Variants in MYO1B observed in about 807,000 individuals in gnomAD.
The protein encoded by MYO1B is unconventional myosin-Ib.
In MYO1B, 72 loss-of-function variants were observed where a neutral mutation model predicts 159.7. The ratio of observed to expected loss-of-function variants is 0.45; its 90% CI spans 0.37 to 0.55. The LOEUF (loss-of-function observed/expected upper bound fraction) is 0.55. Among genes scored for constraint, MYO1B ranks in the 20% least tolerant of loss-of-function variants. The pLI is 0.00. For synonymous variants in MYO1B, 468 were observed against 473.8 expected (o/e 0.99, Z 0.16); for missense variants, 1,062 against 1,364.8 (o/e 0.78, Z 3.50).
chr2:191,334,773 G>T (rs1691720186), intron 4 of MYO1B, among the ~76,000 whole-genome samples: 1 of 152,130 alleles, frequency 6.6e-6, no homozygotes, highest in African/African-American at 2.4e-5. Context: ...AGACGCTAGA[G>T]CATTGCTTCT....
intron 3 of MYO1B, among the ~76,000 whole-genome samples, chr2:191,328,339 C>G (rs1691239019): frequency 6.6e-6 from 1 of 152,208 alleles, no homozygotes; most frequent in African/African-American, 2.4e-5. Flanking sequence ...TACACTCTTC[C>G]TGTATCCCAG....
At chr2:191,401,247 G>T (rs146914306) in intron 23 of MYO1B, among the ~76,000 whole-genome samples, 12 of 152,070 alleles carry the variant, frequency 7.9e-5, no homozygotes, top group Non-Finnish European at 1.5e-4. Context: ...CAATGGAAAT[G>T]CCTCTAACAT....
At chr2:191,249,184 T>C (rs1390219747) in intron 1 of MYO1B, among the ~76,000 whole-genome samples, 2 of 152,240 alleles carry the variant, frequency 1.3e-5, no homozygotes, top group Non-Finnish European at 2.9e-5. Flanking sequence ...CATTGCACTT[T>C]GCTTCTTAAC....
intron 4 of MYO1B, among the ~76,000 whole-genome samples, chr2:191,334,882 T>A (rs1691726751): frequency 6.6e-6 from 1 of 152,240 alleles, no homozygotes; most frequent in African/African-American, 2.4e-5. Flanking sequence ...TAATTTTTTC[T>A]TTTAGTTTCA....
At chr2:191,289,927 G>A (rs1688599224) in intron 2 of MYO1B, among the ~76,000 whole-genome samples, 1 of 152,124 alleles carries the variant, frequency 6.6e-6, no homozygotes, top group Admixed American at 6.5e-5. Context: ...GTGTATGTGT[G>A]CTAATGTTTC....
At chr2:191,260,403 G>A (rs1310926571) in intron 1 of MYO1B, among the ~76,000 whole-genome samples, 1 of 151,880 alleles carries the variant, frequency 6.6e-6, no homozygotes, top group Non-Finnish European at 1.5e-5. Context: ...GGCTTCTGGT[G>A]TGTATATGTT....
At chr2:191,306,465 G>C (rs1348516815) in intron 3 of MYO1B, among the ~76,000 whole-genome samples, 1 of 152,136 alleles carries the variant, frequency 6.6e-6, no homozygotes, top group Non-Finnish European at 1.5e-5. Context: ...TTGTGCTAAG[G>C]ATTTTTAAGC....
chr2:191,297,517 C>T (rs562683737), intron 3 of MYO1B, among the ~76,000 whole-genome samples: 7 of 152,114 alleles, frequency 4.6e-5, no homozygotes, highest in Non-Finnish European at 1.0e-4. Context: ...ATTACTTTTT[C>T]GCAGTAGCAT....
At chr2:191,322,605 T>C (rs1690798820) in intron 3 of MYO1B, among the ~76,000 whole-genome samples, 2 of 152,198 alleles carry the variant, frequency 1.3e-5, no homozygotes, top group African/African-American at 4.8e-5. Context: ...TCCCTAAGCT[T>C]CTTTGTCACA....
At chr2:191,415,116 A>T (rs1462773761) in intron 29 of MYO1B, among the ~76,000 whole-genome samples, 1 of 152,196 alleles carries the variant, frequency 6.6e-6, no homozygotes, top group Non-Finnish European at 1.5e-5. Flanking sequence ...TAGGTTCTGG[A>T]GTTGGTCTCA....
Position 191,357,305 on chromosome 2 carries a change from T to C in MYO1B, c.563-3326T>C, listed in dbSNP as rs1693358613. On this transcript the variant is annotated intron_variant, in intron 7 of 30. Coordinates refer to ENST00000392318, the MANE Select transcript of MYO1B (RefSeq NM_001130158.3). ...GCACTTATACGTGTTGTGGACTAGCTGTTAATGAGTCGAGCTAGGAAAGCC... is the reference window on the plus strand; with the variant it reads ...GCACTTATACGTGTTGTGGACTAGCCGTTAATGAGTCGAGCTAGGAAAGCC... 3.3e-5 allele frequency among the ~76,000 whole-genome samples: 5 copies of C among 152,216 alleles called. No homozygotes were observed. In the South Asian group the frequency reaches 1.0e-3, roughly 31 times the overall value.
rs926241404 is a variant in MYO1B at position 191,420,737 on chromosome 2, A to G, written c.3288-3100A>G. Reference sequence around the variant, plus strand: ...AAACATTTTAAATATATGTGTGTGTATATACATATAGGTATACACGTGTGT... The same window carrying G: ...AAACATTTTAAATATATGTGTGTGTGTATACATATAGGTATACACGTGTGT... On this transcript the variant is annotated intron_variant, in intron 30 of 30. Coordinates refer to ENST00000392318, the MANE Select transcript of MYO1B (RefSeq NM_001130158.3). Among the ~76,000 whole-genome samples the G allele has an allele frequency of 2.0e-5, 3 of 152,260 alleles. No individual in the cohort carries two copies. In the South Asian group the frequency reaches 6.2e-4, roughly 31 times the overall value.
intron 2 of MYO1B, among the ~76,000 whole-genome samples, chr2:191,280,835 C>T (rs1263581333): frequency 6.6e-6 from 1 of 152,142 alleles, no homozygotes; most frequent in African/African-American, 2.4e-5. Context: ...AATGAAGTGG[C>T]TTTTTTGATG....
At position 191,394,732 on chromosome 2, in the gene MYO1B, A is replaced by T. The variant is rs116458928; in HGVS notation, c.2226+1510A>T. 5.8e-3 allele frequency among the ~76,000 whole-genome samples: 889 copies of T among 152,316 alleles called. 14 individuals are homozygous for T. Among genetic ancestry groups the T allele is most frequent in the African/African-American group, 0.02 (841 of 41,564 alleles). ...TCGGAAGGATGAGAAAGAACAGGCA[A>T]TGCAAAGGAAGCTCAAGTACTATTT... On this transcript the variant is annotated intron_variant, in intron 20 of 30. Transcript: ENST00000392318.
chr2:191,292,257 A>C (rs1316671677), intron 2 of MYO1B, among the ~76,000 whole-genome samples: 1 of 152,144 alleles, frequency 6.6e-6, no homozygotes, highest in East Asian at 1.9e-4. Context: ...AAAAGAGTCA[A>C]ACTCTAAAAT....
rs1314247140 is a variant in MYO1B at position 191,400,534 on chromosome 2, G to T, written c.2382+66G>T. 3.2e-6 allele frequency: 5 copies of T among 1,544,232 alleles called. No homozygotes were observed. The Admixed American group carries it at 6.7e-5, about 21-fold the overall frequency. ...ACGTCATGTGGAACCATGAACCCTC[G>T]GCTTCAGGGGCAGAAAATGTTTCAC... On this transcript the variant is annotated intron_variant, in intron 22 of 30. Transcript: ENST00000392318.
chr2:191,385,899 C>G lies in MYO1B; in HGVS notation c.1369C>G (p.Leu457Val). The G allele has an allele frequency of 6.2e-7, 1 of 1,613,942 alleles. No individual in the cohort carries two copies. Among genetic ancestry groups the G allele is most frequent in the South Asian group, 1.1e-5 (1 of 91,046 alleles). The change falls in exon 16 of 31, where the codon CTG (leucine) becomes GTG (valine). Residue 457 changes from leucine to valine, a missense_variant. Coordinates refer to ENST00000392318, the MANE Select transcript of MYO1B (RefSeq NM_001130158.3). ...DLIENNTNGI[L>V]AMLDEECLRP... ...GTTTTCCCAGAACACAAATGGAATC[C>G]TGGCCATGCTGGATGAAGAGTGCCT...
intron 24 of MYO1B, among the ~76,000 whole-genome samples, chr2:191,404,571 G>C (rs1696800003): frequency 6.6e-6 from 1 of 152,282 alleles, no homozygotes; most frequent in East Asian, 1.9e-4. Context: ...ATGATAATCA[G>C]TAACTAGAAT....
intron 2 of MYO1B, among the ~76,000 whole-genome samples, chr2:191,284,795 G>A (rs551248440): frequency 4.6e-5 from 7 of 152,148 alleles, no homozygotes; most frequent in African/African-American, 7.2e-5. Flanking sequence ...GCCACACCTG[G>A]CTAATTTTTT....
Sources: allele counts gnomAD v4.1 joint callset (sites outside exome capture counted in the v4.1 genomes callset), GRCh38; gene constraint gnomAD v4.1.1; transcripts MANE v1.5; gene names NCBI Gene and HGNC (gene_info 2026-07-23, HGNC 2026-07-21).